The following DNER variants were observed in gnomAD, a reference collection of about 807,000 sequenced individuals.
DNER encodes the protein delta and Notch-like epidermal growth factor-related receptor.
DNER carries 33 observed loss-of-function variants against 78.2 expected under a neutral mutation model. The ratio of observed to expected loss-of-function variants is 0.42; its 90% CI spans 0.32 to 0.56. The LOEUF is 0.56. Among genes scored for constraint, DNER ranks in the 20% least tolerant of loss-of-function variants. The pLI is 0.11. For missense variants in DNER, 918 were observed against 975.3 expected, an observed-to-expected ratio of 0.94 and a Z score of 0.78; for synonymous variants, 417 against 384.8, an observed-to-expected ratio of 1.08 and a Z score of -0.98.
At chr2:229,573,240 G>A (rs1290891077) in intron 4 of DNER, among the ~76,000 whole-genome samples, 3 of 152,206 alleles carry the variant, frequency 2.0e-5, no homozygotes, top group Non-Finnish European at 4.4e-5. Context: ...GGACAACCAT[G>A]TGAGGATTGC....
chr2:229,684,814 C>T (rs977384552), intron 1 of DNER, among the ~76,000 whole-genome samples: 2 of 152,038 alleles, frequency 1.3e-5, no homozygotes, highest in Non-Finnish European at 1.5e-5. Flanking sequence ...CTATTTATGC[C>T]CCACAGTTTA....
chr2:229,563,354 T>C (rs1324072536), intron 4 of DNER, among the ~76,000 whole-genome samples: 78 of 96,992 alleles, frequency 8.0e-4, no homozygotes, highest in Middle Eastern at 0.019. Flanking sequence ...TCATCCTCCT[T>C]ACCCCATCAC....
At chr2:229,398,038 T>C (rs1693187611) in intron 10 of DNER, among the ~76,000 whole-genome samples, 1 of 151,248 alleles carries the variant, frequency 6.6e-6, no homozygotes, top group Admixed American at 6.6e-5. Context: ...AAGAAATCAA[T>C]GAAACTGAAA....
intron 8 of DNER, among the ~76,000 whole-genome samples, chr2:229,445,760 A>T (rs900957414): frequency 4.6e-5 from 1 of 21,970 alleles, no homozygotes; most frequent in African/African-American, 2.0e-4. Flanking sequence ...AGTTACTTAA[A>T]ATAAATCTCT....
At chr2:229,615,034 G>A (rs745657122) in intron 1 of DNER, among the ~76,000 whole-genome samples, 5 of 152,096 alleles carry the variant, frequency 3.3e-5, no homozygotes, top group African/African-American at 9.7e-5. Flanking sequence ...TTACAATAAC[G>A]ACATAGTCAA....
intron 3 of DNER, among the ~76,000 whole-genome samples, chr2:229,588,116 G>T (rs1697533949): frequency 6.6e-6 from 1 of 152,146 alleles, no homozygotes; most frequent in South Asian, 2.1e-4. Flanking sequence ...AAGGAATCTG[G>T]CTGAGATCTT....
chr2:229,714,428 G>A lies in DNER; in HGVS notation c.-5C>T. On this transcript the variant is annotated 5_prime_UTR_variant, in exon 1 of 13. Coordinates refer to ENST00000341772, the MANE Select transcript of DNER (RefSeq NM_139072.4). ...CTGGGCGCGGCGGGGCTGCATGGCC[G>A]GCCGGGAGGGCGCGGGAGCCGGAGC... The A allele has an allele frequency of 1.8e-6, 2 of 1,134,060 alleles. No homozygotes were observed. The highest frequency in any genetic ancestry group is 1.1e-6 in the Non-Finnish European group (1 of 928,532). The allele number at this position is 1,134,060 out of a possible 1,614,324, so 70.2% of individuals were successfully genotyped here. A position where few individuals can be genotyped will look rare whatever the true frequency, so the allele number is the denominator to read the frequency against.
At chr2:229,360,301 G>A (rs139995650) in intron 12 of DNER, among the ~76,000 whole-genome samples, 1 of 152,196 alleles carries the variant, frequency 6.6e-6, no homozygotes, top group Non-Finnish European at 1.5e-5. Flanking sequence ...AACATAGTAG[G>A]ATATAGAGAG....
intron 1 of DNER, among the ~76,000 whole-genome samples, chr2:229,634,257 C>T (rs1341100073): frequency 1.3e-5 from 2 of 148,388 alleles, no homozygotes; most frequent in Non-Finnish European, 2.9e-5. Flanking sequence ...TTCCTTCTTT[C>T]CTTCCTTCCT....
intron 4 of DNER, among the ~76,000 whole-genome samples, chr2:229,552,254 G>T (rs923733987): frequency 6.6e-6 from 1 of 152,174 alleles, no homozygotes; most frequent in Non-Finnish European, 1.5e-5. Flanking sequence ...AAATGCAGAC[G>T]GTCCTTGAGG....
chr2:229,483,880 C>T (rs1695217959), intron 6 of DNER, among the ~76,000 whole-genome samples: 1 of 152,194 alleles, frequency 6.6e-6, no homozygotes, highest in South Asian at 2.1e-4. Flanking sequence ...CTTGTTACCT[C>T]CCCACCCAGA....
At chr2:229,422,468 G>A (rs1037478221) in intron 8 of DNER, among the ~76,000 whole-genome samples, 3 of 152,106 alleles carry the variant, frequency 2.0e-5, no homozygotes, top group African/African-American at 7.2e-5. Context: ...TCGGATTGAC[G>A]GGGCACAGCA....
intron 12 of DNER, among the ~76,000 whole-genome samples, chr2:229,360,976 A>T (rs1692196571): frequency 6.6e-6 from 1 of 152,228 alleles, no homozygotes; most frequent in Non-Finnish European, 1.5e-5. Flanking sequence ...CCTGCATTTC[A>T]ACTTACTAGC....
Position 229,591,920 on chromosome 2 carries a change from C to A in DNER, c.277-32G>T. ...CGAGACCATAAATGGGTCAATTATT[C>A]CCTCATAAGAAAAGTGGTGCCATCG... On this transcript the variant is annotated intron_variant, in intron 1 of 12. Transcript: ENST00000341772. The surrounding 1 kb of genome is among the most constrained non-coding windows in gnomAD (Gnocchi z 4.6). 6.8e-7 allele frequency: 1 copy of A among 1,471,868 alleles called. No individual in the cohort carries two copies. The highest frequency in any genetic ancestry group is 9.0e-7 in the Non-Finnish European group (1 of 1,114,740). The allele number at this position is 1,471,868 out of a possible 1,614,324, so 91.2% of individuals were successfully genotyped here. A position where few individuals can be genotyped will look rare whatever the true frequency, so the allele number is the denominator to read the frequency against.
At chr2:229,554,065 A>G (rs1399004141) in intron 4 of DNER, among the ~76,000 whole-genome samples, 1 of 152,198 alleles carries the variant, frequency 6.6e-6, no homozygotes, top group Non-Finnish European at 1.5e-5. Flanking sequence ...CTTCAAAACT[A>G]AGATGCCTTT....
intron 11 of DNER, among the ~76,000 whole-genome samples, chr2:229,371,177 G>A (rs1205259794): frequency 2.0e-5 from 3 of 152,170 alleles, no homozygotes; most frequent in Middle Eastern, 3.2e-3. Flanking sequence ...CTGCTTTACA[G>A]GCTAATTGGT....
intron 9 of DNER, among the ~76,000 whole-genome samples, chr2:229,415,864 G>A (rs553832866): frequency 1.3e-4 from 20 of 152,284 alleles, no homozygotes; most frequent in Admixed American, 1.1e-3. Context: ...GTACAATGCC[G>A]ATTTGATTCT....
At chr2:229,600,193 T>C (rs1697801454) in intron 1 of DNER, among the ~76,000 whole-genome samples, 1 of 151,628 alleles carries the variant, frequency 6.6e-6, no homozygotes. Flanking sequence ...AGGCCAAATC[T>C]GGTTTGTTTT....
At chr2:229,697,195 G>A (rs1699675434) in intron 1 of DNER, among the ~76,000 whole-genome samples, 2 of 152,188 alleles carry the variant, frequency 1.3e-5, no homozygotes, top group Non-Finnish European at 2.9e-5. Context: ...GATAAATACT[G>A]CAACGTGGAT....
Sources: gnomAD v4.1 joint callset for allele counts (sites outside exome capture counted in the v4.1 genomes callset) on GRCh38, gnomAD v4.1.1 for gene constraint, Gnocchi (gnomAD v3.1) non-coding constraint, MANE v1.5 for transcripts, NCBI Gene and HGNC (gene_info 2026-07-23, HGNC 2026-07-21) for gene names.